Variants in GPR158 observed in about 807,000 individuals in gnomAD.
GPR158 encodes the protein G protein-coupled receptor 158.
A neutral mutation model predicts 78.2 loss-of-function variants in GPR158; 30 were observed. The ratio of observed to expected loss-of-function variants is 0.38; its 90% confidence interval spans 0.29 to 0.52. GPR158 has a LOEUF of 0.52. GPR158 is among the 20% of genes least tolerant of loss of function. The pLI is 0.83. For missense variants in GPR158, 1,463 were observed against 1,523.5 expected (o/e 0.96, Z 0.66); for synonymous variants, 581 against 591.1 (o/e 0.98, Z 0.25).
At chr10:25,355,546 G>A (rs1855538846) in intron 2 of GPR158, among the ~76,000 whole-genome samples, 1 of 152,048 alleles carries the variant, frequency 6.6e-6, no homozygotes, top group African/African-American at 2.4e-5. Context: ...AGGAGGTCAT[G>A]GTTCCCTGTT....
intron 2 of GPR158, among the ~76,000 whole-genome samples, chr10:25,367,369 CATT>C (rs1855739123): frequency 6.6e-6 from 1 of 151,640 alleles, no homozygotes; most frequent in Admixed American, 6.6e-5. Flanking sequence ...GTCAATACTA[CATT>C]ATTATAATTA....
At chr10:25,369,074 C>T (rs1236815926) in intron 2 of GPR158, among the ~76,000 whole-genome samples, 4 of 151,342 alleles carry the variant, frequency 2.6e-5, no homozygotes, top group Non-Finnish European at 5.9e-5. Context: ...TGGGCTGAGA[C>T]AATGGGGTTT....
At chr10:25,537,484 G>C (rs191967055) in intron 5 of GPR158, among the ~76,000 whole-genome samples, 4 of 152,144 alleles carry the variant, frequency 2.6e-5, no homozygotes, top group African/African-American at 9.6e-5. Context: ...AGACTTGAAA[G>C]CATGTCTAAT....
At chr10:25,350,294 A>G (rs2130518008) in intron 2 of GPR158, among the ~76,000 whole-genome samples, 1 of 152,204 alleles carries the variant, frequency 6.6e-6, no homozygotes, top group East Asian at 1.9e-4. Flanking sequence ...TAAATGAAAT[A>G]GACTAATGGT....
intron 2 of GPR158, among the ~76,000 whole-genome samples, chr10:25,338,499 A>G (rs1034426629): frequency 8.6e-5 from 12 of 139,276 alleles, no homozygotes; most frequent in African/African-American, 3.1e-4. Flanking sequence ...TAATATACGT[A>G]TATATATTAC....
At chr10:25,471,047 G>T (rs1835492160) in intron 5 of GPR158, among the ~76,000 whole-genome samples, 1 of 151,892 alleles carries the variant, frequency 6.6e-6, no homozygotes, top group African/African-American at 2.4e-5. Flanking sequence ...CCATGTTGGT[G>T]TGCTGCACCC....
intron 2 of GPR158, among the ~76,000 whole-genome samples, chr10:25,381,090 G>A (rs1182705944): frequency 4.6e-5 from 7 of 152,158 alleles, no homozygotes; most frequent in African/African-American, 1.4e-4. Flanking sequence ...ATGTCAGCTC[G>A]GGGCTGAAAG....
chr10:25,361,648 A>C (rs977850913), intron 2 of GPR158, among the ~76,000 whole-genome samples: 1 of 151,932 alleles, frequency 6.6e-6, no homozygotes, highest in South Asian at 2.1e-4. Context: ...GTGAGGTTAC[A>C]TCTCATTGTG....
intron 1 of GPR158, among the ~76,000 whole-genome samples, chr10:25,206,520 A>G (rs2130662974): frequency 6.6e-6 from 1 of 152,286 alleles, no homozygotes; most frequent in Non-Finnish European, 1.5e-5. Flanking sequence ...CAAAAGAAAA[A>G]CAATTCTAAT....
intron 2 of GPR158, among the ~76,000 whole-genome samples, chr10:25,278,678 T>C (rs937315708): frequency 5.3e-5 from 8 of 151,758 alleles, no homozygotes; most frequent in Admixed American, 6.6e-5. Flanking sequence ...GTGAAAAATA[T>C]GTACAAAGGA....
chr10:25,482,654 G>A (rs1032483722), intron 5 of GPR158, among the ~76,000 whole-genome samples: 2 of 151,986 alleles, frequency 1.3e-5, no homozygotes, highest in African/African-American at 4.8e-5. Flanking sequence ...CATTCTCATA[G>A]CTTAATATAC....
chr10:25,368,044 C>T (rs574955924), intron 2 of GPR158, among the ~76,000 whole-genome samples: 6 of 151,894 alleles, frequency 4.0e-5, no homozygotes, highest in Non-Finnish European at 7.4e-5. Flanking sequence ...CAACCTTACT[C>T]AGATGTGGTG....
chr10:25,426,835 C>T (rs10828799), intron 4 of GPR158, among the ~76,000 whole-genome samples: 106,332 of 151,956 alleles, frequency 0.7, 38,212 homozygotes, highest in Non-Finnish European at 0.8. Context: ...GCAAGGTTTT[C>T]ACAAACCTTT....
intron 2 of GPR158, among the ~76,000 whole-genome samples, chr10:25,240,095 C>G (rs776925353): frequency 1.3e-5 from 2 of 152,180 alleles, no homozygotes; most frequent in Non-Finnish European, 2.9e-5. Flanking sequence ...ATTGATTAAT[C>G]TAGTCATTTC....
At chr10:25,506,615 C>T (rs1836017071) in intron 5 of GPR158, among the ~76,000 whole-genome samples, 1 of 152,216 alleles carries the variant, frequency 6.6e-6, no homozygotes, top group Non-Finnish European at 1.5e-5. Flanking sequence ...GTTCACGTTC[C>T]TCTGACAAGT....
chr10:25,319,829 C>G (rs550354811), intron 2 of GPR158, among the ~76,000 whole-genome samples: 1 of 144,608 alleles, frequency 6.9e-6, no homozygotes, highest in Non-Finnish European at 1.5e-5. Context: ...CCCACCCCCC[C>G]CAAAAAAAAA....
At chr10:25,198,915 A>C (rs558728101) in intron 1 of GPR158, among the ~76,000 whole-genome samples, 2 of 151,932 alleles carry the variant, frequency 1.3e-5, no homozygotes, top group African/African-American at 4.8e-5. Flanking sequence ...TGACATCATG[A>C]TGACAAGGCA....
intron 2 of GPR158, among the ~76,000 whole-genome samples, chr10:25,295,623 C>A (rs901163054): frequency 6.6e-6 from 1 of 152,096 alleles, no homozygotes; most frequent in African/African-American, 2.4e-5. Context: ...CCATGTTAGC[C>A]AGGATGGTCT....
At chr10:25,588,233 A>G (rs1007947284) in intron 7 of GPR158, among the ~76,000 whole-genome samples, 6 of 152,206 alleles carry the variant, frequency 3.9e-5, no homozygotes, top group African/African-American at 1.2e-4. Context: ...TCATTTTCCA[A>G]ATGAAGAAAT....
Sources: gnomAD v4.1 joint callset for allele counts (sites outside exome capture counted in the v4.1 genomes callset) on GRCh38, gnomAD v4.1.1 for gene constraint, MANE v1.5 for transcripts, NCBI Gene and HGNC (gene_info 2026-07-23, HGNC 2026-07-21) for gene names.